The following OCA2 variants were observed in gnomAD, a reference collection of about 807,000 sequenced individuals.
OCA2 encodes the protein P protein.
Under a neutral mutation model 100.2 loss-of-function variants are expected in OCA2, and 77 were observed. That is an observed-to-expected ratio of 0.77 (90% CI 0.64 to 0.93). The LOEUF is 0.93. Ranked by LOEUF, OCA2 falls within the 40% of genes least tolerant of loss-of-function variation. The pLI is 0.00. For missense variants in OCA2, 1,062 were observed against 1,089.1 expected (o/e 0.98, Z 0.35); for synonymous variants, 432 against 439.2 (o/e 0.98, Z 0.21).
intron 19 of OCA2, among the ~76,000 whole-genome samples, chr15:27,917,660 A>T (rs759288981): frequency 6.6e-6 from 1 of 152,144 alleles, no homozygotes; most frequent in Non-Finnish European, 1.5e-5. Context: ...CAGACTGCTC[A>T]TAGAGGGGGG....
At chr15:28,093,618 A>C (rs997812841) in intron 1 of OCA2, among the ~76,000 whole-genome samples, 3 of 152,108 alleles carry the variant, frequency 2.0e-5, no homozygotes, top group Admixed American at 1.3e-4. Context: ...ATCCCAGAGA[A>C]ATGAAACTTT....
chr15:27,931,121 G>A (rs1204081563), intron 18 of OCA2, among the ~76,000 whole-genome samples: 2 of 152,014 alleles, frequency 1.3e-5, no homozygotes, highest in African/African-American at 4.8e-5. Context: ...GACCAGAGTG[G>A]ATCAGGCCGG....
chr15:27,735,161 T>C, the OCA2 span, among the ~76,000 whole-genome samples: 1 of 151,966 alleles, frequency 6.6e-6, no homozygotes, highest in African/African-American at 2.4e-5. Context: ...AACAGTCAGA[T>C]TGAAATAATT....
At chr15:27,853,137 G>C (rs1481093505) in intron 21 of OCA2, among the ~76,000 whole-genome samples, 1 of 116,356 alleles carries the variant, frequency 8.6e-6, no homozygotes, top group Admixed American at 9.8e-5. Flanking sequence ...TGTTTATTGC[G>C]GCACTATTCA....
chr15:28,089,054 T>G (rs1415624616), intron 1 of OCA2, among the ~76,000 whole-genome samples: 1 of 152,228 alleles, frequency 6.6e-6, no homozygotes, highest in East Asian at 1.9e-4. Flanking sequence ...ACACATTCTC[T>G]TTCTCAGGGA....
Position 27,845,058 on chromosome 15 carries a change from G to A in OCA2, c.2339-6C>T. 6.2e-7 allele frequency: 1 copy of A among 1,612,128 alleles called. No homozygotes were observed. Among genetic ancestry groups the A allele is most frequent in the Non-Finnish European group, 8.5e-7 (1 of 1,178,360 alleles). On this transcript the variant is annotated splice_polypyrimidine_tract_variant and splice_region_variant and intron_variant, in intron 22 of 23. Coordinates refer to ENST00000354638, the MANE Select transcript of OCA2 (RefSeq NM_000275.3). ...GCCAATCAGTGTCCCGTTACCTAAA[G>A]TCAAAATTTAAAAACAAAATCCCAG...
intron 19 of OCA2, among the ~76,000 whole-genome samples, chr15:27,900,782 T>C (rs2037897693): frequency 1.3e-5 from 2 of 152,216 alleles, no homozygotes; most frequent in Admixed American, 6.5e-5. Flanking sequence ...CATTCACAGG[T>C]GTGCCTCCTT....
intron 19 of OCA2, among the ~76,000 whole-genome samples, chr15:27,874,456 G>T (rs2036707225): frequency 6.6e-6 from 1 of 152,198 alleles, no homozygotes; most frequent in African/African-American, 2.4e-5. Context: ...CTGGAGGAAA[G>T]CATCCCGCCT....
chr15:27,738,302 C>T, the OCA2 span, among the ~76,000 whole-genome samples: 1 of 152,186 alleles, frequency 6.6e-6, no homozygotes, highest in Admixed American at 6.5e-5. Flanking sequence ...GCGGCACATT[C>T]ACACAATGGA....
intron 2 of OCA2, among the ~76,000 whole-genome samples, chr15:28,063,609 C>T (rs2043939971): frequency 6.6e-6 from 1 of 152,068 alleles, no homozygotes; most frequent in South Asian, 2.1e-4. Flanking sequence ...GAGAGGATTA[C>T]AATTATCATC....
chr15:27,800,374 A>G (rs2151170302), intron 23 of OCA2, among the ~76,000 whole-genome samples: 1 of 152,300 alleles, frequency 6.6e-6, no homozygotes, highest in African/African-American at 2.4e-5. Context: ...AAATTTAAAA[A>G]AACACAGAAT....
chr15:27,942,192 C>A (rs1188022278), intron 18 of OCA2, among the ~76,000 whole-genome samples: 2 of 148,224 alleles, frequency 1.3e-5, no homozygotes, highest in Non-Finnish European at 3.0e-5. Context: ...AATTGTGATA[C>A]ATATTATATA....
intron 2 of OCA2, among the ~76,000 whole-genome samples, chr15:28,038,819 A>T (rs910885976): frequency 6.6e-6 from 1 of 152,196 alleles, no homozygotes; most frequent in Non-Finnish European, 1.5e-5. Context: ...TAAATAACTA[A>T]ACAAAATCAG....
intron 21 of OCA2, among the ~76,000 whole-genome samples, chr15:27,870,617 G>A (rs1044474568): frequency 2.0e-5 from 3 of 151,012 alleles, no homozygotes; most frequent in Admixed American, 6.6e-5. Flanking sequence ...TGCCTCCGCC[G>A]CAAATGAAGA....
intron 2 of OCA2, among the ~76,000 whole-genome samples, chr15:28,034,720 T>G (rs959379414): frequency 2.1e-4 from 32 of 152,166 alleles, no homozygotes; most frequent in African/African-American, 7.7e-4. Flanking sequence ...AAACCTTCAA[T>G]GAGCTGAGGT....
intron 14 of OCA2, among the ~76,000 whole-genome samples, chr15:27,982,161 A>G (rs1175544701): frequency 2.0e-5 from 3 of 152,124 alleles, no homozygotes; most frequent in African/African-American, 7.2e-5. Context: ...TTTTGTACTC[A>G]TCTATATCCA....
chr15:27,866,838 C>T (rs972014494), intron 21 of OCA2, among the ~76,000 whole-genome samples: 6 of 152,234 alleles, frequency 3.9e-5, no homozygotes, highest in South Asian at 2.1e-4. Context: ...CACACTTTTG[C>T]CACCTGCATT....
chr15:28,002,945 TG>T lies in OCA2; in HGVS notation c.1044+11830del, dbSNP rs1181703496. On this transcript the variant is annotated intron_variant, in intron 9 of 23. Transcript: ENST00000354638. Reference sequence around the variant, plus strand: ...TGATTTTCTAGCCTGGCTTATGTTATGCAGAACAATAGATCCCAGAGCTCGA... The same window carrying T: ...TGATTTTCTAGCCTGGCTTATGTTATCAGAACAATAGATCCCAGAGCTCGA... Among the ~76,000 whole-genome samples, 4 of 152,366 alleles carry T rather than the reference TG, an allele frequency of 2.6e-5. No individual in the cohort carries two copies. In the East Asian group the frequency reaches 7.7e-4, roughly 29 times the overall value.
intron 23 of OCA2, among the ~76,000 whole-genome samples, chr15:27,802,623 C>G (rs2311472): frequency 0.55 from 83,538 of 151,928 alleles, 23,385 homozygotes; most frequent in South Asian, 0.76. Flanking sequence ...AATAAACTCA[C>G]ATACATAACT....
Sources: allele counts gnomAD v4.1 joint callset (sites outside exome capture counted in the v4.1 genomes callset), GRCh38; gene constraint gnomAD v4.1.1; transcripts MANE v1.5; gene names NCBI Gene and HGNC (gene_info 2026-07-23, HGNC 2026-07-21).